The following DENND1B variants were observed in gnomAD, a reference collection of about 807,000 sequenced individuals.
The protein encoded by DENND1B is DENN domain-containing protein 1B.
DENND1B carries 59 observed loss-of-function variants against 90.1 expected under a neutral mutation model. That is an observed-to-expected ratio of 0.65 (90% CI 0.53 to 0.81). DENND1B has a LOEUF of 0.81. DENND1B is among the 40% of genes least tolerant of loss of function. The pLI, the probability that DENND1B is intolerant of heterozygous loss-of-function variation, is 0.00. For missense variants in DENND1B, 862 were observed against 912.6 expected (o/e 0.94, Z 0.71); for synonymous variants, 337 against 324.6 (o/e 1.04, Z -0.41).
intron 15 of DENND1B, among the ~76,000 whole-genome samples, chr1:197,572,013 G>A (rs369094947): frequency 1.3e-5 from 2 of 152,128 alleles, no homozygotes; most frequent in South Asian, 4.1e-4. Flanking sequence ...CAGAAGACAG[G>A]TGATTTCTGC....
intron 7 of DENND1B, among the ~76,000 whole-genome samples, chr1:197,647,655 A>C (rs1276478246): frequency 6.6e-6 from 1 of 152,184 alleles, no homozygotes. Flanking sequence ...AATACTTAAG[A>C]TATTATAACT....
chr1:197,631,831 A>G (rs1220005431), intron 10 of DENND1B, among the ~76,000 whole-genome samples: 3 of 152,134 alleles, frequency 2.0e-5, no homozygotes, highest in Non-Finnish European at 4.4e-5. Context: ...ATCTGTATGT[A>G]TATGTGTGTA....
intron 2 of DENND1B, among the ~76,000 whole-genome samples, chr1:197,728,511 A>G (rs1239194300): frequency 6.6e-6 from 1 of 152,090 alleles, no homozygotes; most frequent in East Asian, 1.9e-4. Flanking sequence ...CACTCTACCT[A>G]TGGAACCCAG....
intron 2 of DENND1B, among the ~76,000 whole-genome samples, chr1:197,770,808 A>C (rs1338477857): frequency 7.1e-6 from 1 of 140,536 alleles, no homozygotes; most frequent in African/African-American, 2.6e-5. Context: ...AAATATATAT[A>C]TAAATATATA....
At chr1:197,722,373 C>A (rs976930066) in intron 2 of DENND1B, among the ~76,000 whole-genome samples, 2 of 152,010 alleles carry the variant, frequency 1.3e-5, no homozygotes, top group South Asian at 4.1e-4. Context: ...GGTATCCTTG[C>A]TTCTTATATA....
At chr1:197,619,708 C>A (rs985907225) in intron 10 of DENND1B, among the ~76,000 whole-genome samples, 1 of 151,222 alleles carries the variant, frequency 6.6e-6, no homozygotes, top group Non-Finnish European at 1.5e-5. Context: ...TAAATACTTT[C>A]CCTGCCTCCT....
chr1:197,544,218 G>A (rs1022113452), intron 18 of DENND1B, among the ~76,000 whole-genome samples: 3 of 152,070 alleles, frequency 2.0e-5, no homozygotes, highest in South Asian at 2.1e-4. Flanking sequence ...TTTTGTGTAC[G>A]GTTCAGAAAA....
At chr1:197,581,366 T>C (rs1428965646) in intron 15 of DENND1B, among the ~76,000 whole-genome samples, 1 of 152,190 alleles carries the variant, frequency 6.6e-6, no homozygotes, top group Non-Finnish European at 1.5e-5. Context: ...GGTTGACCAT[T>C]TTCATATTTT....
intron 5 of DENND1B, among the ~76,000 whole-genome samples, chr1:197,667,096 T>C (rs1045354568): frequency 6.7e-6 from 1 of 149,790 alleles, no homozygotes; most frequent in African/African-American, 2.5e-5. Context: ...ATTGCGTCAC[T>C]GCATTCCAGC....
At chr1:197,721,190 C>T (rs1661142347) in intron 2 of DENND1B, among the ~76,000 whole-genome samples, 1 of 150,640 alleles carries the variant, frequency 6.6e-6, no homozygotes, top group Non-Finnish European at 1.5e-5. Flanking sequence ...CTGCCTCAGT[C>T]TCCTGAGTAG....
intron 20 of DENND1B, among the ~76,000 whole-genome samples, chr1:197,514,356 A>C (rs1668251231): frequency 6.6e-6 from 1 of 151,592 alleles, no homozygotes; most frequent in South Asian, 2.1e-4. Context: ...CAATCTCTAA[A>C]GGCAAGTCAT....
intron 2 of DENND1B, among the ~76,000 whole-genome samples, chr1:197,718,370 A>G (rs2102256638): frequency 7.1e-6 from 1 of 141,002 alleles, no homozygotes; most frequent in East Asian, 2.1e-4. Flanking sequence ...CTCAACTTGA[A>G]AATTCACTGG....
chr1:197,726,211 T>C (rs1015916605), intron 2 of DENND1B, among the ~76,000 whole-genome samples: 2 of 152,118 alleles, frequency 1.3e-5, no homozygotes, highest in African/African-American at 4.8e-5. Flanking sequence ...AGTGGGTGTT[T>C]TATGAACCTG....
Position 197,510,892 on chromosome 1 carries a change from C to T in DENND1B, c.1896G>A (p.Gly632=), listed in dbSNP as rs1236236974. The change falls in exon 23 of 23, where the codon GGG becomes GGA. Residue 632 remains glycine (G), a synonymous_variant. Transcript: ENST00000620048. Reference sequence around the variant, plus strand: ...TGCCATGGAGGGCACTATCGTCTTGCCCAAGATTCCACTCTGCTTGGTCAC... The same window carrying T: ...TGCCATGGAGGGCACTATCGTCTTGTCCAAGATTCCACTCTGCTTGGTCAC... ...GSGDQAEWNL[G]QDDSALHGKH... is the part of the protein sequence containing the mutation. 2 of 1,604,718 alleles carry T rather than the reference C, an allele frequency of 1.2e-6. No homozygotes were observed. The highest frequency in any genetic ancestry group is 2.7e-5 in the African/African-American group (2 of 74,590).
intron 15 of DENND1B, among the ~76,000 whole-genome samples, chr1:197,558,939 G>A (rs1402960977): frequency 6.6e-6 from 1 of 151,792 alleles, no homozygotes; most frequent in Non-Finnish European, 1.5e-5. Flanking sequence ...TTTCAAATAT[G>A]TAATATAAAG....
At chr1:197,591,768 T>C (rs1413543891) in intron 14 of DENND1B, among the ~76,000 whole-genome samples, 1 of 152,182 alleles carries the variant, frequency 6.6e-6, no homozygotes, top group Non-Finnish European at 1.5e-5. Context: ...TGAATGCCTT[T>C]CATGTATCTT....
At chr1:197,560,508 G>C (rs898904505) in intron 15 of DENND1B, among the ~76,000 whole-genome samples, 1 of 151,802 alleles carries the variant, frequency 6.6e-6, no homozygotes, top group Non-Finnish European at 1.5e-5. Context: ...GTGTGGTCAG[G>C]GTAGGTCTCA....
At chr1:197,676,022 C>T (rs932278388) in intron 3 of DENND1B, among the ~76,000 whole-genome samples, 14 of 135,844 alleles carry the variant, frequency 1.0e-4, no homozygotes, top group African/African-American at 3.7e-4. Context: ...TTTAAACCTC[C>T]GCACTCTTTA....
intron 9 of DENND1B, among the ~76,000 whole-genome samples, chr1:197,645,217 T>A (rs185851992): frequency 5.9e-5 from 9 of 152,158 alleles, no homozygotes; most frequent in Admixed American, 5.9e-4. Flanking sequence ...ATCAGGAAAT[T>A]AAGAACAGTT....
Sources: gnomAD v4.1 joint callset for allele counts (sites outside exome capture counted in the v4.1 genomes callset) on GRCh38, gnomAD v4.1.1 for gene constraint, MANE v1.5 for transcripts, NCBI Gene and HGNC (gene_info 2026-07-23, HGNC 2026-07-21) for gene names.